Variants in HIVEP3 observed in about 807,000 individuals in gnomAD.
The protein encoded by HIVEP3 is HIVEP zinc finger 3.
HIVEP3 carries 49 observed loss-of-function variants against 152.8 expected under a neutral mutation model. The ratio of observed to expected loss-of-function variants is 0.32; its 90% CI spans 0.26 to 0.41. The LOEUF (loss-of-function observed/expected upper bound fraction) is 0.41. Among genes scored for constraint, HIVEP3 ranks in the 10% least tolerant of loss-of-function variants. The pLI, the probability that HIVEP3 is intolerant of heterozygous loss-of-function variation, is 1.00. For synonymous variants in HIVEP3, 1,269 were observed against 1,289.0 expected (o/e 0.98, Z 0.33); for missense variants, 2,790 against 3,103.3 (o/e 0.90, Z 2.40).
At chr1:41,856,132 G>C (rs574931272) in intron 1 of HIVEP3, among the ~76,000 whole-genome samples, 25 of 152,324 alleles carry the variant, frequency 1.6e-4, no homozygotes, top group African/African-American at 5.8e-4. Flanking sequence ...TCAGGGAGAG[G>C]CCAGGTATCT....
Position 41,511,138 on chromosome 1 carries a change from G to A in HIVEP3, c.6534C>T (p.Ser2178=), listed in dbSNP as rs920919846. ...ILARTEENIF[S]HLPLHSQHLT... ...AGTGCTGGGAGTGCAGAGGCAGGTG[G>A]CTGAAGATGTTCTCCTCTGTCCGGG... The change falls in exon 9 of 9, where the codon AGC becomes AGT. Residue 2178 remains serine, a synonymous_variant. Coordinates refer to ENST00000372583, the MANE Select transcript of HIVEP3 (RefSeq NM_024503.5). This position sits in a 1 kb window ranked among gnomAD's most constrained non-coding sequence, Gnocchi z 4.9. The A allele has an allele frequency of 1.9e-6, 3 of 1,614,098 alleles. No homozygotes were observed. The highest frequency in any genetic ancestry group is 2.7e-5 in the African/African-American group (2 of 74,950).
chr1:41,943,276 A>G (rs188327311), intron 1 of HIVEP3, among the ~76,000 whole-genome samples: 1 of 152,350 alleles, frequency 6.6e-6, no homozygotes, highest in Admixed American at 6.5e-5. Flanking sequence ...TGGGTTACCT[A>G]TAGGAGAAAG....
At chr1:41,562,813 T>A (rs1350142279) in intron 5 of HIVEP3, among the ~76,000 whole-genome samples, 1 of 152,038 alleles carries the variant, frequency 6.6e-6, no homozygotes, top group Non-Finnish European at 1.5e-5. Flanking sequence ...CTGATTTACA[T>A]CCCAGGATCC....
intron 5 of HIVEP3, among the ~76,000 whole-genome samples, chr1:41,540,748 T>A (rs530524255): frequency 6.6e-6 from 1 of 152,192 alleles, no homozygotes; most frequent in East Asian, 1.9e-4. Context: ...CGGGCTCCCT[T>A]TAAGAAAGAG....
chr1:41,777,805 C>A (rs1467872080), intron 1 of HIVEP3, among the ~76,000 whole-genome samples: 1 of 152,214 alleles, frequency 6.6e-6, no homozygotes, highest in Non-Finnish European at 1.5e-5. Context: ...TGCATTTAAT[C>A]CGCACAGTAG....
intron 5 of HIVEP3, among the ~76,000 whole-genome samples, chr1:41,544,885 C>G (rs1558046550): frequency 2.7e-4 from 11 of 41,348 alleles, no homozygotes; most frequent in Non-Finnish European, 4.4e-4. Flanking sequence ...ACTACCACCT[C>G]TACCACCACC....
chr1:41,935,153 C>G (rs139132044), intron 1 of HIVEP3, among the ~76,000 whole-genome samples: 1 of 152,110 alleles, frequency 6.6e-6, no homozygotes, highest in African/African-American at 2.4e-5. Flanking sequence ...AGTGACCACT[C>G]ACTACTAGCC....
At chr1:41,688,038 G>C (rs1409314506) in intron 2 of HIVEP3, among the ~76,000 whole-genome samples, 1 of 152,244 alleles carries the variant, frequency 6.6e-6, no homozygotes, top group Non-Finnish European at 1.5e-5. Flanking sequence ...AACGATGGGG[G>C]ATGAACAGAG....
chr1:42,030,829 A>G (rs540122931), intron 1 of HIVEP3, among the ~76,000 whole-genome samples: 1 of 152,376 alleles, frequency 6.6e-6, no homozygotes, highest in African/African-American at 2.4e-5. Context: ...CAATCATTGA[A>G]GACAGGCATT....
chr1:41,546,954 C>T (rs944939518), intron 5 of HIVEP3, among the ~76,000 whole-genome samples: 2 of 152,310 alleles, frequency 1.3e-5, no homozygotes, highest in African/African-American at 4.8e-5. Context: ...AGAAAGAGAA[C>T]AGCACTTGCT....
chr1:41,739,413 C>T (rs558064610), intron 1 of HIVEP3, among the ~76,000 whole-genome samples: 24 of 152,320 alleles, frequency 1.6e-4, no homozygotes, highest in Middle Eastern at 3.4e-3. Flanking sequence ...TCACTCCTTC[C>T]AGGAGCAGAG....
chr1:41,777,336 C>T (rs1174431790), intron 1 of HIVEP3, among the ~76,000 whole-genome samples: 2 of 152,238 alleles, frequency 1.3e-5, no homozygotes, highest in Admixed American at 6.5e-5. Context: ...GTTCCGGCCA[C>T]GCAGCCCCAT....
rs539881354 is a variant in HIVEP3 at position 42,009,469 on chromosome 1, C to T, written n.119+26338G>A. Among the ~76,000 whole-genome samples, 9 of 152,340 alleles carry T rather than the reference C, an allele frequency of 5.9e-5. No individual in the cohort carries two copies. In the South Asian group the frequency reaches 1.7e-3, roughly 28 times the overall value. ...ACCCACAGGATTTCCTTTTTGTCTG[C>T]TGGGTCTACATCAGATATTATTCTG... is the stretch of plus-strand genomic sequence containing the variant. On this transcript the variant is annotated intron_variant and non_coding_transcript_variant, in intron 1 of 3. Transcript: ENST00000489103.
At chr1:41,688,704 G>C (rs1246085751) in intron 2 of HIVEP3, among the ~76,000 whole-genome samples, 1 of 152,250 alleles carries the variant, frequency 6.6e-6, no homozygotes, top group Non-Finnish European at 1.5e-5. Flanking sequence ...TCTTCTGACA[G>C]AGAAGCACCT....
chr1:41,807,714 T>C (rs1455188183), intron 1 of HIVEP3, among the ~76,000 whole-genome samples: 5 of 151,922 alleles, frequency 3.3e-5, no homozygotes, highest in African/African-American at 1.2e-4. Flanking sequence ...TGCTGTTGGG[T>C]GAAAGATGCT....
intron 1 of HIVEP3, among the ~76,000 whole-genome samples, chr1:41,842,486 C>T (rs1643316703): frequency 6.6e-6 from 1 of 152,132 alleles, no homozygotes; most frequent in Non-Finnish European, 1.5e-5. Flanking sequence ...AGGAGGTTTG[C>T]TCCATTATGC....
intron 7 of HIVEP3, among the ~76,000 whole-genome samples, chr1:41,517,448 G>A (rs1265353694): frequency 2.0e-5 from 3 of 152,230 alleles, no homozygotes; most frequent in Non-Finnish European, 4.4e-5. Context: ...CTATAAAAAT[G>A]ACTTATTCCA....
intron 5 of HIVEP3, among the ~76,000 whole-genome samples, chr1:41,525,418 A>T (rs1239644688): frequency 6.6e-6 from 1 of 152,132 alleles, no homozygotes; most frequent in Non-Finnish European, 1.5e-5. Flanking sequence ...AGATTTAGAG[A>T]CAGTGAGAGA....
In HIVEP3 at chr1:41,699,885, C is replaced by A. The variant is rs926923071; in HGVS notation, c.-721+1031G>T. 7.9e-4 allele frequency among the ~76,000 whole-genome samples: 120 copies of A among 151,924 alleles called. 2 individuals are homozygous for A. The highest frequency in any genetic ancestry group is 7.8e-3 in the Admixed American group (119 of 15,266). The stretch of plus-strand genomic sequence containing the variant: ...GTCTCCCTTCCCTGCTTGTGTAGGA[C>A]CCAGCCTGAGCTCCTGGGTGACCAG... On this transcript the variant is annotated intron_variant, in intron 2 of 8. Transcript: ENST00000372583.
Sources: gnomAD v4.1 joint callset for allele counts (sites outside exome capture counted in the v4.1 genomes callset) on GRCh38, gnomAD v4.1.1 for gene constraint, Gnocchi (gnomAD v3.1) non-coding constraint, MANE v1.5 for transcripts, NCBI Gene and HGNC (gene_info 2026-07-23, HGNC 2026-07-21) for gene names.